COL4A6: variants seen among roughly 807,000 people sequenced by gnomAD.
The protein encoded by COL4A6 is collagen alpha-6(IV) chain.
A neutral mutation model predicts 126.7 loss-of-function variants in COL4A6; 59 were observed. That is an observed-to-expected ratio of 0.47 (90% CI 0.38 to 0.58). The LOEUF (loss-of-function observed/expected upper bound fraction) is 0.58. Ranked by LOEUF, COL4A6 falls within the 20% of genes least tolerant of loss-of-function variation. The pLI is 0.00. For synonymous variants in COL4A6, 547 were observed against 496.6 expected (o/e 1.10, Z -1.35); for missense variants, 1,285 against 1,337.3 (o/e 0.96, Z 0.61).
rs1465432965 is a variant in COL4A6, at chrX:108,174,494, A to G, written c.3084T>C (p.Pro1028=). The change falls in exon 31 of 45, where the codon CCT becomes CCC. Residue 1028 remains proline, a synonymous_variant. Transcript: ENST00000334504. ...PPGFMGIRGL[P]GLKGSSGITG... The stretch of plus-strand genomic sequence containing the variant: ...TGATCCCAGAGGACCCCTTCAGGCC[A>G]GGTAAGCCCCGGATTCCCATGAAGC... The G allele has an allele frequency of 6.6e-6, 8 of 1,209,034 alleles. No individual in the cohort carries two copies. In the East Asian group the frequency reaches 2.4e-4, roughly 36 times the overall value.
intron 3 of COL4A6, among the ~76,000 whole-genome samples, chrX:108,309,072 A>G (rs1229700311): frequency 8.9e-6 from 1 of 112,069 alleles, no homozygotes; most frequent in African/African-American, 3.2e-5. Flanking sequence ...TAATGAGACT[A>G]TTTTTAGACA....
chrX:108,298,573 G>A (rs1041051636), intron 3 of COL4A6, among the ~76,000 whole-genome samples: 4 of 111,383 alleles, frequency 3.6e-5, no homozygotes, highest in Non-Finnish European at 5.7e-5. Flanking sequence ...GGGGATCCCC[G>A]AGGAGCAAGG....
At chrX:108,213,044 AC>A (rs1241182844) in intron 6 of COL4A6, among the ~76,000 whole-genome samples, 2 of 109,821 alleles carry the variant, frequency 1.8e-5, no homozygotes, top group Non-Finnish European at 3.8e-5. Flanking sequence ...TTACCTCCCC[AC>A]CCCCCGGCAT....
At chrX:108,215,716 T>C (rs1394011127) in intron 5 of COL4A6, among the ~76,000 whole-genome samples, 1 of 111,197 alleles carries the variant, frequency 9.0e-6, no homozygotes, top group Non-Finnish European at 1.9e-5. Context: ...TTAGTTCCTA[T>C]TCGGCAACAG....
intron 2 of COL4A6, among the ~76,000 whole-genome samples, chrX:108,312,820 A>G (rs2038792323): frequency 9.0e-6 from 1 of 111,654 alleles, no homozygotes; most frequent in Non-Finnish European, 1.9e-5. Context: ...ACTTCCAAAC[A>G]ATGTCTGTTT....
At chrX:108,193,375 A>G (rs750811707) in intron 17 of COL4A6, among the ~76,000 whole-genome samples, 16 of 111,152 alleles carry the variant, frequency 1.4e-4, no homozygotes, top group African/African-American at 5.2e-4. Flanking sequence ...ATTTTCATCA[A>G]ATTCAGGCCC....
intron 3 of COL4A6, among the ~76,000 whole-genome samples, chrX:108,274,067 T>C (rs759429755): frequency 1.2e-4 from 13 of 112,109 alleles, no homozygotes; most frequent in South Asian, 3.7e-4. Flanking sequence ...AGCTGGGCCC[T>C]CTGCTTAGGA....
chrX:108,333,630 G>C (rs1445424261), intron 2 of COL4A6, among the ~76,000 whole-genome samples: 1 of 111,654 alleles, frequency 9.0e-6, no homozygotes, highest in Non-Finnish European at 1.9e-5. Flanking sequence ...CAAATTATCT[G>C]TGTTCATTGA....
Position 108,237,859 on chromosome X carries a change from C to CATCT in COL4A6, c.145-16489_145-16486dup, listed in dbSNP as rs36190820. On this transcript the variant is annotated intron_variant, in intron 3 of 44. Transcript: ENST00000334504. Reference sequence around the variant, plus strand: ...TTTCCCTCTCTCCCTCTGTCTCTATCATCTATCTATCTATCTATCTATCTA... The same window carrying CATCT: ...TTTCCCTCTCTCCCTCTGTCTCTATCATCTATCTATCTATCTATCTATCTATCTA... Among the ~76,000 whole-genome samples, 743 of 91,646 alleles carry CATCT rather than the reference C, an allele frequency of 8.1e-3. 8 individuals carry two copies. Among genetic ancestry groups the CATCT allele is most frequent in the Middle Eastern group, 0.011 (2 of 182 alleles). The allele number at this position is 91,646 out of a possible 115,157, so 79.6% of individuals were successfully genotyped here.
At chrX:108,387,258 A>G (rs1042152178) in intron 2 of COL4A6, among the ~76,000 whole-genome samples, 2 of 112,197 alleles carry the variant, frequency 1.8e-5, no homozygotes, top group African/African-American at 6.5e-5. Flanking sequence ...GAAGAAAGTC[A>G]ATGGTAGCTT....
At chrX:108,339,464 A>G (rs534197354) in intron 2 of COL4A6, among the ~76,000 whole-genome samples, 4 of 111,157 alleles carry the variant, frequency 3.6e-5, no homozygotes, top group African/African-American at 1.3e-4. Flanking sequence ...TCAGAAATTC[A>G]GTTCTTAGCA....
intron 2 of COL4A6, among the ~76,000 whole-genome samples, chrX:108,323,392 A>C (rs1053927315): frequency 8.9e-6 from 1 of 112,046 alleles, no homozygotes. Flanking sequence ...GAAAGTGAGA[A>C]GTATCATTGG....
At chrX:108,168,746 C>T (rs890912615) in intron 37 of COL4A6, among the ~76,000 whole-genome samples, 1 of 111,763 alleles carries the variant, frequency 8.9e-6, no homozygotes, top group Non-Finnish European at 1.9e-5. Flanking sequence ...AGTCATATAG[C>T]TAGTGAGAGG....
At chrX:108,202,800 T>C in intron 13 of COL4A6, 128 bp downstream of exon 13, 1 of 558,800 alleles carries the variant, frequency 1.8e-6, no homozygotes, top group Non-Finnish European at 3.1e-6. Context: ...TTAAATACCT[T>C]CTAATAATAA....
chrX:108,366,792 G>T (rs971493687), intron 2 of COL4A6, among the ~76,000 whole-genome samples: 2 of 111,741 alleles, frequency 1.8e-5, no homozygotes, highest in African/African-American at 6.5e-5. Context: ...ATTGCCTATT[G>T]TGACCCTATA....
chrX:108,411,297 T>G (rs935266641), intron 2 of COL4A6, among the ~76,000 whole-genome samples: 2 of 111,844 alleles, frequency 1.8e-5, no homozygotes, highest in African/African-American at 6.5e-5. Flanking sequence ...CAGATAAGAT[T>G]GATGATTATG....
chrX:108,318,585 C>A (rs1432475150), intron 2 of COL4A6, among the ~76,000 whole-genome samples: 1 of 111,392 alleles, frequency 9.0e-6, no homozygotes, highest in African/African-American at 3.3e-5. Context: ...CAATAACAGA[C>A]AAACAGAGAG....
intron 3 of COL4A6, among the ~76,000 whole-genome samples, chrX:108,253,939 G>A (rs993513250): frequency 9.0e-6 from 1 of 111,617 alleles, no homozygotes; most frequent in African/African-American, 3.3e-5. Flanking sequence ...AGAATAGACC[G>A]TGCAAGTTTA....
intron 2 of COL4A6, among the ~76,000 whole-genome samples, chrX:108,326,179 GAACT>G (rs2039152491): frequency 8.9e-6 from 1 of 111,993 alleles, no homozygotes; most frequent in African/African-American, 3.2e-5. Context: ...AAAACTACTA[GAACT>G]AATAAGTGAG....
Sources: gnomAD v4.1 joint callset for allele counts (sites outside exome capture counted in the v4.1 genomes callset) on GRCh38, gnomAD v4.1.1 for gene constraint, MANE v1.5 for transcripts, NCBI Gene and HGNC (gene_info 2026-07-23, HGNC 2026-07-21) for gene names.